Variants in LRRTM4 observed in about 807,000 individuals in gnomAD.
The protein encoded by LRRTM4 is leucine rich repeat transmembrane neuronal 4, also known as leucine-rich repeat transmembrane neuronal protein 4.
A neutral mutation model predicts 47.6 loss-of-function variants in LRRTM4; 25 were observed. The observed-to-expected ratio is 0.53, with a 90% CI of 0.38 to 0.73. LRRTM4 has a LOEUF of 0.73. LRRTM4 is among the 30% of genes least tolerant of loss of function. The pLI is 0.00. For missense variants in LRRTM4, 638 were observed against 713.4 expected (o/e 0.89, Z 1.20); for synonymous variants, 311 against 269.5 (o/e 1.15, Z -1.51).
At chr2:76,813,496 G>T (rs1177989714) in intron 3 of LRRTM4, among the ~76,000 whole-genome samples, 2 of 151,904 alleles carry the variant, frequency 1.3e-5, no homozygotes, top group East Asian at 3.9e-4. Flanking sequence ...TTGCTACTTT[G>T]TTCTTATGTG....
At chr2:76,905,175 C>T (rs922037766) in intron 3 of LRRTM4, among the ~76,000 whole-genome samples, 1 of 152,174 alleles carries the variant, frequency 6.6e-6, no homozygotes, top group Non-Finnish European at 1.5e-5. Flanking sequence ...GATCAGACAG[C>T]AGCATTTGCA....
At chr2:77,108,665 G>A (rs1368967171) in intron 3 of LRRTM4, among the ~76,000 whole-genome samples, 1 of 149,220 alleles carries the variant, frequency 6.7e-6, no homozygotes, top group African/African-American at 2.5e-5. Context: ...CTCACTGCAA[G>A]CTCCGCCTCC....
intron 3 of LRRTM4, among the ~76,000 whole-genome samples, chr2:76,976,529 GTC>G (rs1676423701): frequency 6.6e-6 from 1 of 151,396 alleles, no homozygotes. Flanking sequence ...CACCTCATTA[GTC>G]TCTCTTTTTA....
At chr2:77,263,094 A>G (rs1469896228) in intron 3 of LRRTM4, among the ~76,000 whole-genome samples, 1 of 152,128 alleles carries the variant, frequency 6.6e-6, no homozygotes, top group Non-Finnish European at 1.5e-5. Context: ...CTTAAGGCCA[A>G]TGATTTAATC....
At chr2:77,344,643 T>A (rs1168347543) in intron 3 of LRRTM4, among the ~76,000 whole-genome samples, 2 of 151,794 alleles carry the variant, frequency 1.3e-5, no homozygotes, top group Admixed American at 1.3e-4. Context: ...AAATAATGAC[T>A]GAAAACTTCC....
intron 3 of LRRTM4, among the ~76,000 whole-genome samples, chr2:77,215,695 G>T (rs183877288): frequency 6.6e-6 from 1 of 152,038 alleles, no homozygotes; most frequent in African/African-American, 2.4e-5. Flanking sequence ...TAGTAGGGAC[G>T]TGCTTCAGAA....
intron 3 of LRRTM4, among the ~76,000 whole-genome samples, chr2:76,994,834 A>G (rs1677142675): frequency 6.6e-6 from 1 of 152,000 alleles, no homozygotes; most frequent in African/African-American, 2.4e-5. Flanking sequence ...GATTCACCCT[A>G]CTATCAACAA....
At chr2:77,471,870 A>C (rs1677202172) in intron 3 of LRRTM4, among the ~76,000 whole-genome samples, 1 of 152,136 alleles carries the variant, frequency 6.6e-6, no homozygotes, top group South Asian at 2.1e-4. Flanking sequence ...ACACATATAC[A>C]GTTTATCTAA....
At chr2:77,072,800 C>CAAAAAAAAAAA (rs373786120) in intron 3 of LRRTM4, among the ~76,000 whole-genome samples, 8 of 78,738 alleles carry the variant, frequency 1.0e-4, no homozygotes, top group African/African-American at 4.0e-4. Context: ...CTCCGTCTTC[C>CAAAAAAAAAAA]AAAAAAAAAA....
At chr2:76,776,292 C>T (rs1004748357) in intron 3 of LRRTM4, among the ~76,000 whole-genome samples, 27 of 152,122 alleles carry the variant, frequency 1.8e-4, no homozygotes, top group Non-Finnish European at 3.1e-4. Context: ...ATGGCTGGGT[C>T]AAATGGTATT....
chr2:77,163,874 T>A (rs367831720), intron 3 of LRRTM4, among the ~76,000 whole-genome samples: 3 of 152,068 alleles, frequency 2.0e-5, no homozygotes, highest in African/African-American at 7.2e-5. Flanking sequence ...TGTAAAGACC[T>A]TCAATGCTAG....
chr2:77,238,487 GA>G (rs1184032039), intron 3 of LRRTM4, among the ~76,000 whole-genome samples: 1 of 152,096 alleles, frequency 6.6e-6, no homozygotes, highest in Admixed American at 6.6e-5. Context: ...ATGAGGATTA[GA>G]AAAACAGAGA....
chr2:77,396,283 A>G (rs1673698838), intron 3 of LRRTM4, among the ~76,000 whole-genome samples: 1 of 151,938 alleles, frequency 6.6e-6, no homozygotes, highest in Admixed American at 6.6e-5. Context: ...TCAGCAAGAA[A>G]GTAATCTCCA....
intron 3 of LRRTM4, among the ~76,000 whole-genome samples, chr2:77,205,956 C>T (rs1273056620): frequency 6.6e-6 from 1 of 151,926 alleles, no homozygotes; most frequent in Non-Finnish European, 1.5e-5. Flanking sequence ...CCACCTCAGC[C>T]TCCCCAGTAC....
At chr2:76,874,523 T>C (rs1172555798) in intron 3 of LRRTM4, among the ~76,000 whole-genome samples, 2 of 152,070 alleles carry the variant, frequency 1.3e-5, no homozygotes, top group African/African-American at 4.8e-5. Context: ...ATTATGAGTA[T>C]ATTTTATGCT....
intron 3 of LRRTM4, among the ~76,000 whole-genome samples, chr2:76,958,943 C>G (rs927067179): frequency 1.3e-5 from 2 of 151,610 alleles, no homozygotes; most frequent in Non-Finnish European, 3.0e-5. Context: ...TTGTGTAGAG[C>G]TTGTGTAAAG....
chr2:77,099,297 A>T (rs1171737984), intron 3 of LRRTM4, among the ~76,000 whole-genome samples: 1 of 151,970 alleles, frequency 6.6e-6, no homozygotes, highest in East Asian at 1.9e-4. Flanking sequence ...AAAATGAATG[A>T]ATTAGACCTA....
At chr2:77,163,866 T>C (rs1036651216) in intron 3 of LRRTM4, among the ~76,000 whole-genome samples, 8 of 152,132 alleles carry the variant, frequency 5.3e-5, no homozygotes, top group African/African-American at 1.7e-4. Flanking sequence ...TGCCAAATTG[T>C]AAAGACCTTC....
At chr2:76,879,499 T>G (rs1672869202) in intron 3 of LRRTM4, among the ~76,000 whole-genome samples, 2 of 152,220 alleles carry the variant, frequency 1.3e-5, no homozygotes, top group Non-Finnish European at 1.5e-5. Context: ...CTGATGAGAC[T>G]TACTGCTTGG....
Sources: allele counts gnomAD v4.1 joint callset (sites outside exome capture counted in the v4.1 genomes callset), GRCh38; gene constraint gnomAD v4.1.1; transcripts MANE v1.5; gene names NCBI Gene and HGNC (gene_info 2026-07-23, HGNC 2026-07-21).